The following PLCH1 variants were observed in gnomAD, a reference collection of about 807,000 sequenced individuals.
PLCH1 encodes 1-phosphatidylinositol 4,5-bisphosphate phosphodiesterase eta-1.
A neutral mutation model predicts 126.7 loss-of-function variants in PLCH1; 60 were observed. The ratio of observed to expected loss-of-function variants is 0.47; its 90% CI spans 0.38 to 0.59. PLCH1 has a LOEUF of 0.59. Among genes scored for constraint, PLCH1 ranks in the 20% least tolerant of loss-of-function variants. PLCH1 has a pLI of 0.00. For synonymous variants in PLCH1, 719 were observed against 734.9 expected (o/e 0.98, Z 0.35); for missense variants, 1,723 against 2,040.0 (o/e 0.84, Z 2.99).
At chr3:155,575,962 T>C (rs1446517903) in intron 6 of PLCH1, among the ~76,000 whole-genome samples, 1 of 152,122 alleles carries the variant, frequency 6.6e-6, no homozygotes, top group Non-Finnish European at 1.5e-5. Flanking sequence ...ATTTTCCAAC[T>C]ATATAAAGGC....
rs540033757 is a variant in PLCH1, at chr3:155,471,145, A to G, written c.2938+14211T>C. Among the ~76,000 whole-genome samples the G allele has an allele frequency of 2.0e-5, 3 of 152,336 alleles. No homozygotes were observed. The East Asian group carries it at 5.8e-4, about 29-fold the overall frequency. On this transcript the variant is annotated intron_variant, in intron 21 of 21. Coordinates refer to the PLCH1 transcript ENST00000494598. ...ACACAGACTGGCAAATTGGATAAAC[A>G]GTCAAGACCCATCAGTGTGCTGTAT...
chr3:155,612,505 A>G (rs1735237383), intron 2 of PLCH1, among the ~76,000 whole-genome samples: 1 of 148,246 alleles, frequency 6.7e-6, no homozygotes, highest in Non-Finnish European at 1.5e-5. Context: ...ATCAGAGCAG[A>G]ACTAAATGAA....
In PLCH1 at chr3:155,494,585, C is replaced by T. The variant is rs1026211283; in HGVS notation, c.1895-68G>A. On this transcript the variant is annotated intron_variant, in intron 15 of 22. Coordinates refer to ENST00000460012, the MANE Select transcript of PLCH1 (RefSeq NM_014996.4). ...CAAAGAAAACACCACGCACAGAAGA[C>T]TTTATAATAATGTCAGATTATACCA... 8 of 1,259,374 alleles carry T rather than the reference C, an allele frequency of 6.4e-6. No homozygotes were observed. The African/African-American group carries it at 1.2e-4, about 19-fold the overall frequency. 78.0% of individuals were successfully genotyped at this position (1,259,374 alleles called of 1,614,324 possible). A position where few individuals can be genotyped will look rare whatever the true frequency, so the allele number is the denominator to read the frequency against.
chr3:155,487,376 G>A (rs540410610), intron 21 of PLCH1, among the ~76,000 whole-genome samples: 1 of 152,268 alleles, frequency 6.6e-6, no homozygotes, highest in South Asian at 2.1e-4. Flanking sequence ...ATCCCGTGTG[G>A]TCCTGAAAAT....
intron 2 of PLCH1, among the ~76,000 whole-genome samples, chr3:155,651,495 C>T (rs1356770383): frequency 6.6e-6 from 1 of 151,996 alleles, no homozygotes; most frequent in African/African-American, 2.4e-5. Flanking sequence ...GAGTATGACT[C>T]AAAAGAGAAC....
chr3:155,537,867 T>C (rs1276500693), intron 10 of PLCH1, among the ~76,000 whole-genome samples: 1 of 152,034 alleles, frequency 6.6e-6, no homozygotes, highest in African/African-American at 2.4e-5. Context: ...AAAGAAACAA[T>C]GGACTTAAAC....
chr3:155,733,017 A>G (rs1418987977), intron 1 of PLCH1, among the ~76,000 whole-genome samples: 1 of 152,186 alleles, frequency 6.6e-6, no homozygotes, highest in African/African-American at 2.4e-5. Flanking sequence ...AAGGAGGTGA[A>G]AAACTTGCAT....
At chr3:155,737,231 C>CAAAAGAAAAAAA (rs1749261261) in intron 1 of PLCH1, among the ~76,000 whole-genome samples, 1 of 59,518 alleles carries the variant, frequency 1.7e-5, no homozygotes, top group African/African-American at 5.7e-5. Flanking sequence ...GCCTCCGTCT[C>CAAAAGAAAAAAA]AAAAAAAAAA....
chr3:155,541,854 G>A (rs1455941662), intron 10 of PLCH1, among the ~76,000 whole-genome samples: 2 of 152,038 alleles, frequency 1.3e-5, no homozygotes, highest in East Asian at 3.9e-4. Context: ...CAGTGTCTGT[G>A]AAATGCAATA....
At chr3:155,728,723 T>C (rs1188721104) in intron 1 of PLCH1, among the ~76,000 whole-genome samples, 1 of 152,174 alleles carries the variant, frequency 6.6e-6, no homozygotes, top group Non-Finnish European at 1.5e-5. Context: ...ACCTCCCTAT[T>C]CTCATATCAG....
At chr3:155,659,302 C>CCATT (rs1741822119) in intron 2 of PLCH1, among the ~76,000 whole-genome samples, 1 of 30,796 alleles carries the variant, frequency 3.2e-5, no homozygotes, top group Non-Finnish European at 7.2e-5. Flanking sequence ...CTATTCACTT[C>CCATT]TTTTTTTTTT....
At chr3:155,554,579 G>A (rs537920146) in intron 8 of PLCH1, among the ~76,000 whole-genome samples, 5 of 152,038 alleles carry the variant, frequency 3.3e-5, no homozygotes, top group Non-Finnish European at 7.4e-5. Flanking sequence ...GGTTATGAAG[G>A]TCTTTTAGAA....
chr3:155,535,393 G>A (rs917878289), intron 10 of PLCH1, among the ~76,000 whole-genome samples: 1 of 152,212 alleles, frequency 6.6e-6, no homozygotes, highest in African/African-American at 2.4e-5. Context: ...CTTGTAGCCT[G>A]GGGCAAGATC....
rs534247899 is a variant in PLCH1 at position 155,521,455 on chromosome 3, G to A, written c.1470+2442C>T. ...TGACCTCATGAGAGTTGGTGTTCCA[G>A]TGTAAATGAATGCAAAGTTAAAATG... On this transcript the variant is annotated intron_variant, in intron 11 of 22. Coordinates refer to ENST00000460012, the MANE Select transcript of PLCH1 (RefSeq NM_014996.4). Among the ~76,000 whole-genome samples, 195 of 152,302 alleles carry A rather than the reference G, an allele frequency of 1.3e-3. 1 individual carries two copies. The highest frequency in any genetic ancestry group is 4.6e-3 in the African/African-American group (191 of 41,560).
chr3:155,632,428 C>A (rs566920246), intron 2 of PLCH1, among the ~76,000 whole-genome samples: 2 of 152,190 alleles, frequency 1.3e-5, no homozygotes, highest in Non-Finnish European at 2.9e-5. Flanking sequence ...ATCATCATAT[C>A]CATGAACAAA....
rs963660204 is a variant in PLCH1, at chr3:155,590,976, T to C, written c.470+2965A>G. Among the ~76,000 whole-genome samples the C allele has an allele frequency of 1.9e-4, 29 of 152,334 alleles. 1 individual carries two copies. Among genetic ancestry groups the C allele is most frequent in the Admixed American group, 1.8e-3 (27 of 15,302 alleles). Reference sequence around the variant, plus strand: ...TCTCTGTGTAGTGCCACAGTACACCTGCTTTCTGGACAGTATATTTTCAGA... The same window carrying C: ...TCTCTGTGTAGTGCCACAGTACACCCGCTTTCTGGACAGTATATTTTCAGA... On this transcript the variant is annotated intron_variant, in intron 4 of 22. Coordinates refer to ENST00000460012, the MANE Select transcript of PLCH1 (RefSeq NM_014996.4).
intron 2 of PLCH1, among the ~76,000 whole-genome samples, chr3:155,618,395 C>T (rs919801441): frequency 2.0e-5 from 3 of 152,048 alleles, no homozygotes; most frequent in African/African-American, 4.8e-5. Context: ...GTATTTCTTA[C>T]GATACAGGCA....
chr3:155,603,513 G>T (rs1282378118), intron 2 of PLCH1, among the ~76,000 whole-genome samples: 1 of 152,166 alleles, frequency 6.6e-6, no homozygotes, highest in East Asian at 1.9e-4. Context: ...AGTTTTGTGG[G>T]CACAAAGAAG....
intron 1 of PLCH1, among the ~76,000 whole-genome samples, chr3:155,719,481 G>A (rs570083173): frequency 1.2e-4 from 18 of 151,948 alleles, no homozygotes; most frequent in South Asian, 6.2e-4. Flanking sequence ...AAACCTGCAC[G>A]TTGTGCACAT....
Sources: allele counts gnomAD v4.1 joint callset (sites outside exome capture counted in the v4.1 genomes callset), GRCh38; gene constraint gnomAD v4.1.1; transcripts MANE v1.5; gene names NCBI Gene and HGNC (gene_info 2026-07-23, HGNC 2026-07-21).